DLGAP1: variants seen among roughly 807,000 people sequenced by gnomAD.
The protein encoded by DLGAP1 is disks large-associated protein 1.
In DLGAP1, 11 loss-of-function variants were observed where a neutral mutation model predicts 90.8. That is an observed-to-expected ratio of 0.12 (90% CI 0.08 to 0.20). The LOEUF is 0.20. Ranked by LOEUF, DLGAP1 falls within the 10% of genes least tolerant of loss-of-function variation. The pLI, the probability that DLGAP1 is intolerant of heterozygous loss-of-function variation, is 1.00. For missense variants in DLGAP1, 1,050 were observed against 1,333.8 expected, an observed-to-expected ratio of 0.79 and a Z score of 3.31; for synonymous variants, 558 against 540.7, an observed-to-expected ratio of 1.03 and a Z score of -0.44.
rs193218553 is a variant in DLGAP1 at position 4,118,071 on chromosome 18, A to G, written c.-159+33109T>C. On this transcript the variant is annotated intron_variant, in intron 2 of 12. Coordinates refer to ENST00000315677, the MANE Select transcript of DLGAP1 (RefSeq NM_004746.4). The stretch of plus-strand genomic sequence containing the variant: ...TGGTCTTTCCATTGTACCCTGTTAC[A>G]CTTCTGATTGCTCTGCCATTTTGCA... Among the ~76,000 whole-genome samples the G allele has an allele frequency of 2.1e-3, 312 of 151,928 alleles. 2 individuals carry two copies. The highest frequency in any genetic ancestry group is 7.1e-3 in the African/African-American group (296 of 41,438).
rs192316295 is a variant in DLGAP1 at position 3,580,262 on chromosome 18, G to C, written c.1965+1613C>G. 5.0e-6 allele frequency: 8 copies of C among 1,603,712 alleles called. No individual in the cohort carries two copies. In the East Asian group the frequency reaches 1.8e-4, roughly 36 times the overall value. On this transcript the variant is annotated intron_variant, in intron 8 of 12. Coordinates refer to ENST00000315677, the MANE Select transcript of DLGAP1 (RefSeq NM_004746.4). ...TCTGAAAAGACCAGTCAGTGGAGTG[G>C]GGGACGCTCCAGGCACCAGCAATGG...
At chr18:3,718,690 T>C (rs1383389990) in intron 7 of DLGAP1, among the ~76,000 whole-genome samples, 8 of 146,454 alleles carry the variant, frequency 5.5e-5, no homozygotes, top group Non-Finnish European at 3.0e-5. Flanking sequence ...CTTTGGGGGG[T>C]CGAGGCGGGT....
chr18:3,984,644 C>T (rs2073805412), intron 3 of DLGAP1, among the ~76,000 whole-genome samples: 1 of 152,156 alleles, frequency 6.6e-6, no homozygotes, highest in Non-Finnish European at 1.5e-5. Context: ...CCTTGCCATT[C>T]CTTCATTTTC....
intron 5 of DLGAP1, among the ~76,000 whole-genome samples, chr18:3,778,269 C>T (rs905829080): frequency 5.3e-5 from 8 of 151,918 alleles, no homozygotes; most frequent in Admixed American, 1.3e-4. Flanking sequence ...GGTGAAACAC[C>T]GTTTCTACTA....
chr18:3,650,938 T>G (rs571615970), intron 7 of DLGAP1, among the ~76,000 whole-genome samples: 4 of 150,928 alleles, frequency 2.7e-5, no homozygotes, highest in South Asian at 2.1e-4. Flanking sequence ...TGGTCATGCG[T>G]GCCTGGAATC....
intron 7 of DLGAP1, among the ~76,000 whole-genome samples, chr18:3,608,717 T>A (rs971377036): frequency 8.5e-5 from 13 of 152,180 alleles, no homozygotes; most frequent in African/African-American, 3.1e-4. Flanking sequence ...TCCAGAGAGG[T>A]CTCGCTCTAT....
chr18:3,726,936 G>A (rs961515382), intron 7 of DLGAP1, among the ~76,000 whole-genome samples: 9 of 152,112 alleles, frequency 5.9e-5, no homozygotes, highest in African/African-American at 9.7e-5. Context: ...CCTTCTCCCC[G>A]TTTTGGGTGT....
chr18:3,794,693 C>A (rs544320826), intron 5 of DLGAP1, among the ~76,000 whole-genome samples: 16 of 152,308 alleles, frequency 1.1e-4, no homozygotes, highest in Admixed American at 5.2e-4. Context: ...TGGCCCACTG[C>A]CCCCCTAGAG....
At chr18:3,939,416 CAAAAAAA>C (rs10591716) in intron 3 of DLGAP1, among the ~76,000 whole-genome samples, 2 of 82,130 alleles carry the variant, frequency 2.4e-5, no homozygotes, top group Non-Finnish European at 4.6e-5. Flanking sequence ...GATTCTGTCT[CAAAAAAA>C]AAAAAAAAAA....
intron 1 of DLGAP1, among the ~76,000 whole-genome samples, chr18:4,186,597 C>G (rs2077299772): frequency 6.6e-6 from 1 of 151,986 alleles, no homozygotes. Flanking sequence ...GATGTGTGGT[C>G]TTATTTCTGG....
chr18:4,124,229 CTA>C (rs2076198100), intron 2 of DLGAP1, among the ~76,000 whole-genome samples: 1 of 152,146 alleles, frequency 6.6e-6, no homozygotes. Flanking sequence ...TCCTATGAAT[CTA>C]TGTTATGTCA....
intron 4 of DLGAP1, among the ~76,000 whole-genome samples, chr18:3,824,235 G>A (rs1288149987): frequency 6.6e-6 from 1 of 152,030 alleles, no homozygotes; most frequent in Admixed American, 6.6e-5. Context: ...ATTCCCTGAG[G>A]CAAACTAGAA....
intron 7 of DLGAP1, among the ~76,000 whole-genome samples, chr18:3,602,520 G>A (rs1029743485): frequency 4.7e-5 from 7 of 150,390 alleles, no homozygotes; most frequent in Non-Finnish European, 1.0e-4. Context: ...GCGTGAACCC[G>A]GGAGGCGGAG....
intron 1 of DLGAP1, among the ~76,000 whole-genome samples, chr18:4,236,912 T>G (rs1598692817): frequency 6.6e-6 from 1 of 152,304 alleles, no homozygotes; most frequent in African/African-American, 2.4e-5. Flanking sequence ...GTGGCACAAT[T>G]TAGCATGGGA....
At position 3,627,165 on chromosome 18, in the gene DLGAP1, C is replaced by A. The variant is rs117215265; in HGVS notation, c.1592-44917G>T. 2.3e-3 allele frequency among the ~76,000 whole-genome samples: 344 copies of A among 151,760 alleles called. 11 individuals carry two copies. In the East Asian group the frequency reaches 0.062, roughly 27 times the overall value. ...ATGTTGCCCAGGCTGGTCTTGAACTCCTGAGCTTAAGTGATCTTCCCGCCT... is the reference window on the plus strand; with the variant it reads ...ATGTTGCCCAGGCTGGTCTTGAACTACTGAGCTTAAGTGATCTTCCCGCCT... On this transcript the variant is annotated intron_variant, in intron 7 of 12. Transcript: ENST00000315677.
rs567091928 is a variant in DLGAP1 at position 4,359,557 on chromosome 18, T to A, written c.-267+95449A>T. Reference sequence around the variant, plus strand: ...CATTTCTGAAGGCTCCCGTGTCACATAAAACTTATATTAAATAAATATGTA... The same window carrying A: ...CATTTCTGAAGGCTCCCGTGTCACAAAAAACTTATATTAAATAAATATGTA... On this transcript the variant is annotated intron_variant, in intron 1 of 12. Transcript: ENST00000315677. Among the ~76,000 whole-genome samples the A allele has an allele frequency of 8.5e-5, 13 of 152,322 alleles. 1 individual carries two copies. The highest frequency in any genetic ancestry group is 2.9e-4 in the African/African-American group (12 of 41,564).
intron 7 of DLGAP1, among the ~76,000 whole-genome samples, chr18:3,664,634 T>C (rs760362197): frequency 1.3e-4 from 20 of 152,186 alleles, no homozygotes; most frequent in African/African-American, 2.7e-4. Flanking sequence ...TTTGTTACAA[T>C]AGATCCTCCC....
At chr18:3,630,261 G>T (rs1246162445) in intron 7 of DLGAP1, among the ~76,000 whole-genome samples, 1 of 152,184 alleles carries the variant, frequency 6.6e-6, no homozygotes, top group Non-Finnish European at 1.5e-5. Context: ...CTGTCCGACT[G>T]GTTAAGTTGG....
intron 7 of DLGAP1, among the ~76,000 whole-genome samples, chr18:3,599,807 TG>T (rs1421502152): frequency 3.9e-5 from 6 of 152,116 alleles, no homozygotes; most frequent in African/African-American, 1.2e-4. Context: ...TTAGTAGAGA[TG>T]TAGTTTCACC....
Sources: gnomAD v4.1 joint callset for allele counts (sites outside exome capture counted in the v4.1 genomes callset) on GRCh38, gnomAD v4.1.1 for gene constraint, MANE v1.5 for transcripts, NCBI Gene and HGNC (gene_info 2026-07-23, HGNC 2026-07-21) for gene names.